The following RELN variants were observed in gnomAD, a reference collection of about 807,000 sequenced individuals.
The protein encoded by RELN is reelin.
A neutral mutation model predicts 427.6 loss-of-function variants in RELN; 108 were observed. That is an observed-to-expected ratio of 0.25 (90% CI 0.22 to 0.30). The LOEUF (loss-of-function observed/expected upper bound fraction) is 0.30, where lower values mean the gene tolerates loss of function less well. Ranked by LOEUF, RELN falls within the 10% of genes least tolerant of loss-of-function variation. RELN has a pLI of 1.00. For missense variants in RELN, 3,715 were observed against 4,302.8 expected (o/e 0.86, Z 3.82); for synonymous variants, 1,524 against 1,513.4 (o/e 1.01, Z -0.16).
intron 3 of RELN, among the ~76,000 whole-genome samples, chr7:103,826,623 T>C (rs548646167): frequency 6.3e-4 from 96 of 152,164 alleles, no homozygotes; most frequent in African/African-American, 2.0e-3. Context: ...TGTTTTTGAC[T>C]GTGTAGGCAG....
chr7:103,524,150 C>A (rs1010615055), intron 46 of RELN, among the ~76,000 whole-genome samples: 3 of 152,100 alleles, frequency 2.0e-5, no homozygotes, highest in Non-Finnish European at 2.9e-5. Flanking sequence ...GAGCTGTGAG[C>A]CTTGGATTTC....
intron 20 of RELN, among the ~76,000 whole-genome samples, chr7:103,613,039 T>A (rs540179925): frequency 6.6e-6 from 1 of 152,346 alleles, no homozygotes; most frequent in African/African-American, 2.4e-5. Flanking sequence ...TTATTATTGT[T>A]AAAGATGTCT....
chr7:103,677,150 A>G (rs1584399445), intron 11 of RELN, among the ~76,000 whole-genome samples: 1 of 151,944 alleles, frequency 6.6e-6, no homozygotes, highest in East Asian at 1.9e-4. Flanking sequence ...TTCTCAGCAA[A>G]CTATCACAAG....
chr7:103,604,548 T>A (rs2117274555), intron 22 of RELN, 65 bp from the exon 23 acceptor site: 1 of 1,553,480 alleles, frequency 6.4e-7, no homozygotes, highest in East Asian at 2.3e-5. Flanking sequence ...TGGCAAAGAA[T>A]GTCAGAGTCC....
rs544717229 is a variant in RELN, at chr7:103,630,005, G to A, written c.2637C>T (p.Val879=). The A allele has an allele frequency of 3.3e-5, 54 of 1,613,844 alleles. No individual in the cohort carries two copies. In the Middle Eastern group the frequency reaches 4.9e-4, roughly 15 times the overall value. Residue 879 remains valine, a synonymous_variant, in exon 20 of 65, where the codon GTC becomes GTT. Transcript: ENST00000428762. ...CAAGGTAGAATCCCAGAGACTGAGT[G>A]ACCTCCACAAGATTGGTAAAGTCAA... ...ISLDFTNLVE[V]TQSLGFYLGN... is the part of the protein sequence containing the mutation.
At chr7:103,556,532 A>G (rs1486969128) in intron 38 of RELN, among the ~76,000 whole-genome samples, 1 of 152,170 alleles carries the variant, frequency 6.6e-6, no homozygotes, top group Non-Finnish European at 1.5e-5. Flanking sequence ...TTGTACTCCC[A>G]TAATTCCCAT....
intron 2 of RELN, among the ~76,000 whole-genome samples, chr7:103,909,744 AAT>A (rs3073414): frequency 0.62 from 47,727 of 76,538 alleles, 16,008 homozygotes; most frequent in East Asian, 0.75. Context: ...AATATATATA[AAT>A]ATATATATTA....
At chr7:103,806,525 A>T (rs558340985) in intron 3 of RELN, among the ~76,000 whole-genome samples, 41 of 152,000 alleles carry the variant, frequency 2.7e-4, no homozygotes, top group Non-Finnish European at 5.1e-4. Flanking sequence ...GGGTTTTTCC[A>T]CATTGGCCAG....
At chr7:103,482,578 G>A (rs891009861) in intron 63 of RELN, among the ~76,000 whole-genome samples, 1 of 152,100 alleles carries the variant, frequency 6.6e-6, no homozygotes, top group African/African-American at 2.4e-5. Context: ...CTTAAGACAT[G>A]GTTTCCCATT....
rs1830400569 is a variant in RELN, at chr7:103,551,132, G to A, written c.6237C>T (p.Tyr2079=). The change falls in exon 41 of 65, where the codon TAC becomes TAT. Residue 2079 remains tyrosine (Y), a synonymous_variant. Transcript: ENST00000428762. ...TCCAGCCCTGCATGGTTCCTGCGTA[G>A]TAGGTGCTGCTGGGGTGGTGCTCGG... ...CSTEHHPSST[Y]YAGTMQGWRR... is the part of the protein sequence containing the mutation. The A allele has an allele frequency of 1.2e-6, 2 of 1,613,968 alleles. No homozygotes were observed. Among genetic ancestry groups the A allele is most frequent in the Non-Finnish European group, 1.7e-6 (2 of 1,180,034 alleles).
chr7:103,878,368 GATAA>G (rs1208388016), intron 2 of RELN, among the ~76,000 whole-genome samples: 1 of 152,104 alleles, frequency 6.6e-6, no homozygotes, highest in African/African-American at 2.4e-5. Context: ...TGTCTACTTT[GATAA>G]ATACTTACCA....
At chr7:103,686,134 T>G (rs1290410501) in intron 10 of RELN, among the ~76,000 whole-genome samples, 2 of 152,162 alleles carry the variant, frequency 1.3e-5, no homozygotes, top group African/African-American at 4.8e-5. Flanking sequence ...CGATATCCTT[T>G]TTGTTGGAAT....
At chr7:103,861,507 C>T (rs1365713873) in intron 2 of RELN, among the ~76,000 whole-genome samples, 1 of 152,130 alleles carries the variant, frequency 6.6e-6, no homozygotes, top group Non-Finnish European at 1.5e-5. Context: ...TGACTATATA[C>T]TAGGTAACAT....
intron 4 of RELN, among the ~76,000 whole-genome samples, chr7:103,763,263 G>A (rs1791347456): frequency 6.6e-6 from 1 of 152,148 alleles, no homozygotes. Flanking sequence ...CAGACTGGCT[G>A]GCAATTAAAG....
At chr7:103,782,586 G>C (rs1791918954) in intron 3 of RELN, among the ~76,000 whole-genome samples, 1 of 152,076 alleles carries the variant, frequency 6.6e-6, no homozygotes, top group African/African-American at 2.4e-5. Context: ...CAAGGCATTG[G>C]TCATAATGAT....
At chr7:103,691,096 T>C (rs1833862050) in intron 10 of RELN, among the ~76,000 whole-genome samples, 1 of 152,124 alleles carries the variant, frequency 6.6e-6, no homozygotes. Flanking sequence ...GTGTTATACA[T>C]CTATTTCATA....
rs1042427658 is a variant in RELN at position 103,988,631 on chromosome 7, G to T, written c.226+500C>A. ...GGGACTCCTGGCTGGTGAGCAGCGG[G>T]AACTTTGCGGTCGAGCGGCGCGGGG... is the stretch of plus-strand genomic sequence containing the variant. On this transcript the variant is annotated intron_variant, in intron 1 of 64. Coordinates refer to ENST00000428762, the MANE Select transcript of RELN (RefSeq NM_005045.4). This position sits in a 1 kb window ranked among gnomAD's most constrained non-coding sequence, Gnocchi z 4.9. Among the ~76,000 whole-genome samples the T allele has an allele frequency of 6.6e-6, 1 of 152,168 alleles. No homozygotes were observed. Among genetic ancestry groups the T allele is most frequent in the African/African-American group, 2.4e-5 (1 of 41,438 alleles).
At chr7:103,864,450 TC>T (rs1481357741) in intron 2 of RELN, among the ~76,000 whole-genome samples, 1 of 152,076 alleles carries the variant, frequency 6.6e-6, no homozygotes, top group African/African-American at 2.4e-5. Context: ...AGCAACCGTT[TC>T]CCCCTCCTCC....
chr7:103,488,669 C>A (rs1052960632), intron 60 of RELN, among the ~76,000 whole-genome samples: 1 of 152,166 alleles, frequency 6.6e-6, no homozygotes, highest in South Asian at 2.1e-4. Flanking sequence ...CTCTGCTCCT[C>A]CTTGGATAAA....
Sources: allele counts gnomAD v4.1 joint callset (sites outside exome capture counted in the v4.1 genomes callset), GRCh38; gene constraint gnomAD v4.1.1; non-coding constraint Gnocchi (gnomAD v3.1); transcripts MANE v1.5; gene names NCBI Gene and HGNC (gene_info 2026-07-23, HGNC 2026-07-21).